NDST3: variants seen among roughly 807,000 people sequenced by gnomAD.
NDST3 encodes the protein N-deacetylase and N-sulfotransferase 3.
Under a neutral mutation model 96.1 loss-of-function variants are expected in NDST3, and 58 were observed. That is an observed-to-expected ratio of 0.60 (90% CI 0.49 to 0.75). The LOEUF (loss-of-function observed/expected upper bound fraction) is 0.75, where lower values mean the gene tolerates loss of function less well. Ranked by LOEUF, NDST3 falls within the 30% of genes least tolerant of loss-of-function variation. The probability of loss-of-function intolerance (pLI) is 0.00; values close to 1 mark genes in which losing one functional copy is unlikely to be tolerated. For synonymous variants in NDST3, 333 were observed against 359.7 expected (o/e 0.93, Z 0.84); for missense variants, 788 against 1,034.2 (o/e 0.76, Z 3.27).
intron 2 of NDST3, among the ~76,000 whole-genome samples, chr4:118,082,369 C>CT (rs1348673492): frequency 3.3e-5 from 5 of 152,178 alleles, no homozygotes; most frequent in Non-Finnish European, 7.3e-5. Context: ...GAGAAAAGGA[C>CT]TTTATTACTC....
At chr4:118,168,970 G>A (rs184557568) in intron 6 of NDST3, among the ~76,000 whole-genome samples, 136 of 152,198 alleles carry the variant, frequency 8.9e-4, no homozygotes, top group African/African-American at 3.2e-3. Flanking sequence ...CAGGAGCTTG[G>A]GGAGGGTTCA....
rs570011573 is a variant in NDST3 at position 118,149,271 on chromosome 4, GT to G, written c.1539+5593del. Among the ~76,000 whole-genome samples, 555 of 151,494 alleles carry G rather than the reference GT, an allele frequency of 3.7e-3. 8 individuals carry two copies. Among genetic ancestry groups the G allele is most frequent in the African/African-American group, 0.011 (454 of 41,414 alleles). On this transcript the variant is annotated intron_variant, in intron 6 of 13. Coordinates refer to ENST00000296499, the MANE Select transcript of NDST3 (RefSeq NM_004784.3). ...TTGGTTCCATATGAACTTTAAAGTA[GT>G]TTTTTCCAATTCTGTGAAGAAAGTC...
At chr4:118,074,151 A>C (rs891595688) in intron 2 of NDST3, among the ~76,000 whole-genome samples, 1 of 152,120 alleles carries the variant, frequency 6.6e-6, no homozygotes, top group Admixed American at 6.5e-5. Context: ...GGTTGGTATG[A>C]TTTCAGTTTT....
At chr4:118,199,550 C>T (rs1737928100) in intron 6 of NDST3, among the ~76,000 whole-genome samples, 1 of 152,124 alleles carries the variant, frequency 6.6e-6, no homozygotes, top group South Asian at 2.1e-4. Context: ...TTTCTCCAGG[C>T]TTGGTTTCTG....
At chr4:118,078,617 C>T (rs1461022400) in intron 2 of NDST3, among the ~76,000 whole-genome samples, 6 of 151,898 alleles carry the variant, frequency 4.0e-5, no homozygotes, top group Admixed American at 1.3e-4. Context: ...GGCGTGGTGG[C>T]GGATGCCTGT....
chr4:118,066,120 TTA>T (rs1165967685), intron 2 of NDST3, among the ~76,000 whole-genome samples: 6 of 73,568 alleles, frequency 8.2e-5, no homozygotes, highest in Admixed American at 2.6e-4. Flanking sequence ...ATTTTATATA[TTA>T]TATATATTAT....
rs772372454 is a variant in NDST3, at chr4:118,205,088, T to G, written c.1540-19403T>G. Among the ~76,000 whole-genome samples the G allele has an allele frequency of 4.2e-5, 6 of 144,540 alleles. 1 individual carries two copies. The highest frequency in any genetic ancestry group is 9.2e-5 in the Non-Finnish European group (6 of 65,240). The allele number at this position is 144,540 out of a possible 152,430, so 94.8% of individuals were successfully genotyped here. The stretch of plus-strand genomic sequence containing the variant: ...ATTTCTTTTCATTTTAATAATAATA[T>G]TGTTAATGTTATCATTGCTTCTATT... On this transcript the variant is annotated intron_variant, in intron 6 of 13. Transcript: ENST00000296499.
chr4:118,130,620 T>C (rs982862802), intron 4 of NDST3, among the ~76,000 whole-genome samples: 3 of 152,210 alleles, frequency 2.0e-5, no homozygotes, highest in African/African-American at 7.2e-5. Flanking sequence ...AATGTTATCA[T>C]AGTCTGTGTT....
At chr4:118,172,723 CTAAGA>C (rs1407408379) in intron 6 of NDST3, among the ~76,000 whole-genome samples, 4 of 151,892 alleles carry the variant, frequency 2.6e-5, no homozygotes, top group Admixed American at 6.6e-5. Flanking sequence ...ATTAAAAGTG[CTAAGA>C]TGAGTTCTTA....
chr4:118,168,974 G>C (rs1735739946), intron 6 of NDST3, among the ~76,000 whole-genome samples: 1 of 152,048 alleles, frequency 6.6e-6, no homozygotes, highest in Non-Finnish European at 1.5e-5. Context: ...AGCTTGGGGA[G>C]GGTTCAATGG....
chr4:118,124,086 T>C (rs1731837831), intron 4 of NDST3, among the ~76,000 whole-genome samples: 2 of 152,114 alleles, frequency 1.3e-5, no homozygotes, highest in African/African-American at 4.8e-5. Context: ...GGTTTTTGCT[T>C]ATGTTATTTC....
intron 4 of NDST3, among the ~76,000 whole-genome samples, chr4:118,134,288 C>T (rs1056183715): frequency 6.6e-6 from 1 of 152,186 alleles, no homozygotes; most frequent in Non-Finnish European, 1.5e-5. Flanking sequence ...AAGCAAGGAT[C>T]ATATGCAGCG....
intron 6 of NDST3, among the ~76,000 whole-genome samples, chr4:118,189,586 AAT>A (rs1254505672): frequency 1.3e-5 from 2 of 152,198 alleles, no homozygotes; most frequent in Non-Finnish European, 1.5e-5. Flanking sequence ...ACCATAAAAT[AAT>A]AGTCATTTTT....
At chr4:118,063,083 C>T (rs918236124) in intron 2 of NDST3, among the ~76,000 whole-genome samples, 8 of 151,422 alleles carry the variant, frequency 5.3e-5, no homozygotes, top group African/African-American at 1.5e-4. Flanking sequence ...CCAGCTACTC[C>T]GGAGGCTGAG....
intron 2 of NDST3, among the ~76,000 whole-genome samples, chr4:118,102,481 T>C (rs1210201871): frequency 6.6e-6 from 1 of 152,142 alleles, no homozygotes; most frequent in Non-Finnish European, 1.5e-5. Context: ...ATTTTAGATA[T>C]GATCACACCA....
chr4:118,137,902 G>A (rs1308354723), intron 4 of NDST3, 152 bp from the exon 5 acceptor site: 2 of 590,162 alleles, frequency 3.4e-6, no homozygotes, highest in Non-Finnish European at 5.4e-6. Context: ...GACGTCTAGA[G>A]GTGTTAATAC....
chr4:118,058,552 T>TA (rs1415554678), intron 2 of NDST3, among the ~76,000 whole-genome samples: 2 of 151,848 alleles, frequency 1.3e-5, no homozygotes, highest in Non-Finnish European at 2.9e-5. Context: ...AATATTCCTT[T>TA]AAAAAGGCAG....
chr4:118,143,200 A>C (rs1426926564), intron 5 of NDST3, among the ~76,000 whole-genome samples: 4 of 152,306 alleles, frequency 2.6e-5, no homozygotes, highest in African/African-American at 9.6e-5. Context: ...TATAGCACAG[A>C]CAATCCAATA....
chr4:118,114,712 T>C (rs1434081159), intron 3 of NDST3, 94 bp from the exon 4 acceptor site: 3 of 1,330,054 alleles, frequency 2.3e-6, no homozygotes, highest in African/African-American at 2.9e-5. Flanking sequence ...GGCTTCTAAA[T>C]ACATATACGA....
Sources: gnomAD v4.1 joint callset for allele counts (sites outside exome capture counted in the v4.1 genomes callset) on GRCh38, gnomAD v4.1.1 for gene constraint, MANE v1.5 for transcripts, NCBI Gene and HGNC (gene_info 2026-07-23, HGNC 2026-07-21) for gene names.